Variants in DCDC1 observed in about 807,000 individuals in gnomAD.
The protein encoded by DCDC1 is doublecortin domain-containing protein 1.
A neutral mutation model predicts 178.3 loss-of-function variants in DCDC1; 200 were observed. The observed-to-expected ratio is 1.12, with a 90% CI of 1.00 to 1.26. The LOEUF (loss-of-function observed/expected upper bound fraction) is 1.26, where lower values mean the gene tolerates loss of function less well. Among genes scored for constraint, DCDC1 ranks in the 50% most tolerant of loss-of-function variants. The pLI is 0.00. For synonymous variants in DCDC1, 690 were observed against 604.8 expected (o/e 1.14, Z -2.07); for missense variants, 1,983 against 1,749.2 (o/e 1.13, Z -2.38).
At position 30,899,706 on chromosome 11, in the gene DCDC1, T is replaced by C. The variant is rs947739227; in HGVS notation, c.4664-64A>G. On this transcript the variant is annotated intron_variant, in intron 33 of 38. Coordinates refer to ENST00000684477, the MANE Select transcript of DCDC1 (RefSeq NM_001387274.1). ...ATTTATCACGCGCACCAATAATTTA[T>C]AAAGAACTTTCTGCTCAAAGAAATA... is the stretch of plus-strand genomic sequence containing the variant. 3.4e-6 allele frequency: 4 copies of C among 1,162,734 alleles called. No individual in the cohort carries two copies. The African/African-American group carries it at 4.7e-5, about 14-fold the overall frequency. The allele number at this position is 1,162,734 out of a possible 1,614,324, so 72.0% of individuals were successfully genotyped here. A position where few individuals can be genotyped will look rare whatever the true frequency, so the allele number is the denominator to read the frequency against.
intron 9 of DCDC1, among the ~76,000 whole-genome samples, chr11:31,139,759 G>GAA (rs747195018): frequency 1.4e-5 from 2 of 145,108 alleles, no homozygotes; most frequent in East Asian, 4.0e-4. Flanking sequence ...ACCACAGTTG[G>GAA]AAAAAAAAAA....
intron 9 of DCDC1, among the ~76,000 whole-genome samples, chr11:31,162,531 T>C (rs1420785477): frequency 1.3e-5 from 2 of 152,200 alleles, no homozygotes; most frequent in East Asian, 1.9e-4. Flanking sequence ...AATTGTATTA[T>C]GTTTTCAATC....
chr11:31,019,587 C>A (rs1952731933), intron 20 of DCDC1, among the ~76,000 whole-genome samples: 1 of 152,034 alleles, frequency 6.6e-6, no homozygotes, highest in Non-Finnish European at 1.5e-5. Context: ...AAATCCTTTT[C>A]TACATAATTT....
At chr11:31,209,205 A>G (rs964206815) in intron 9 of DCDC1, among the ~76,000 whole-genome samples, 4 of 152,198 alleles carry the variant, frequency 2.6e-5, no homozygotes, top group Non-Finnish European at 5.9e-5. Flanking sequence ...GTAGGTATAG[A>G]CACTACTGAA....
chr11:31,153,819 A>ACAC, intron 9 of DCDC1, among the ~76,000 whole-genome samples: 1 of 45,786 alleles, frequency 2.2e-5, no homozygotes, highest in East Asian at 1.5e-3. Context: ...CACACACACA[A>ACAC]TTACCATAAC....
Position 31,102,302 on chromosome 11 carries a change from T to C in DCDC1, c.1878-20A>G, listed in dbSNP as rs1361019793. ...TCCCAACTAAGAAAAGTAAAATACG[T>C]AATTATTTTTATTAGAATAATATGC... On this transcript the variant is annotated intron_variant, in intron 14 of 38. Transcript: ENST00000684477. The C allele has an allele frequency of 1.5e-6, 1 of 654,246 alleles. No individual in the cohort carries two copies. Among genetic ancestry groups the C allele is most frequent in the Non-Finnish European group, 2.8e-6 (1 of 353,204 alleles). 40.5% of individuals were successfully genotyped at this position (654,246 alleles called of 1,614,324 possible).
intron 27 of DCDC1, among the ~76,000 whole-genome samples, chr11:30,912,565 G>A (rs1490727668): frequency 2.0e-5 from 3 of 152,166 alleles, no homozygotes; most frequent in Non-Finnish European, 4.4e-5. Context: ...TTACAGGCAT[G>A]AGCCACCATG....
chr11:30,922,369 G>C (rs1186470110), intron 24 of DCDC1, 134 bp downstream of exon 24: 6 of 1,040,554 alleles, frequency 5.8e-6, no homozygotes, highest in Non-Finnish European at 7.7e-6. Flanking sequence ...ACATAATTTA[G>C]TTTAAAGAGT....
intron 8 of DCDC1, among the ~76,000 whole-genome samples, chr11:31,246,771 C>A (rs1485128598): frequency 6.6e-6 from 1 of 152,014 alleles, no homozygotes; most frequent in Non-Finnish European, 1.5e-5. Context: ...GTATTTTTAT[C>A]CAAACAAAAC....
At chr11:30,972,751 T>C (rs1191565017) in intron 20 of DCDC1, among the ~76,000 whole-genome samples, 2 of 152,188 alleles carry the variant, frequency 1.3e-5, no homozygotes, top group Non-Finnish European at 2.9e-5. Flanking sequence ...ATTTAAAAGA[T>C]ACAGACAAGC....
intron 1 of DCDC1, among the ~76,000 whole-genome samples, chr11:31,358,396 T>A (rs1951513788): frequency 1.3e-5 from 2 of 152,040 alleles, no homozygotes. Context: ...TGTAGAAAGC[T>A]GAAACTGGAC....
intron 21 of DCDC1, among the ~76,000 whole-genome samples, chr11:30,944,996 T>G (rs1476901590): frequency 1.7e-5 from 2 of 117,798 alleles, no homozygotes; most frequent in Admixed American, 1.1e-4. Context: ...TGAGACGGAG[T>G]CTCATTCTGT....
intron 9 of DCDC1, among the ~76,000 whole-genome samples, chr11:31,229,619 GA>G (rs1975498967): frequency 6.6e-6 from 1 of 151,892 alleles, no homozygotes; most frequent in Non-Finnish European, 1.5e-5. Context: ...CAGTCCCCAG[GA>G]AACAAAAAGG....
intron 8 of DCDC1, 25 bp downstream of exon 8, chr11:31,265,482 G>A: frequency 8.0e-7 from 1 of 1,249,770 alleles, no homozygotes; most frequent in Non-Finnish European, 1.1e-6. Flanking sequence ...ATTATCAAAT[G>A]GTTTACAAAA....
At chr11:30,997,442 G>A (rs1242295849) in intron 20 of DCDC1, among the ~76,000 whole-genome samples, 2 of 152,032 alleles carry the variant, frequency 1.3e-5, no homozygotes, top group South Asian at 2.1e-4. Flanking sequence ...CCTCACTGAA[G>A]GGGTAAGGAA....
intron 9 of DCDC1, 48 bp downstream of exon 9, chr11:31,241,402 T>C: frequency 2.5e-6 from 1 of 395,018 alleles, no homozygotes; most frequent in Non-Finnish European, 4.5e-6. Flanking sequence ...CAACCAAGTA[T>C]ATTTTTAAAA....
At chr11:30,986,892 C>T (rs2134869903) in intron 20 of DCDC1, among the ~76,000 whole-genome samples, 1 of 152,188 alleles carries the variant, frequency 6.6e-6, no homozygotes, top group South Asian at 2.1e-4. Context: ...CTAAACAATA[C>T]CATCAAAGAG....
intron 3 of DCDC1, among the ~76,000 whole-genome samples, chr11:31,315,681 T>G (rs1591740597): frequency 7.5e-6 from 1 of 132,614 alleles, no homozygotes; most frequent in Non-Finnish European, 1.6e-5. Context: ...AAACTCTAAG[T>G]TTTAGGGTAC....
intron 20 of DCDC1, among the ~76,000 whole-genome samples, chr11:30,969,621 A>G (rs1273540335): frequency 6.6e-6 from 1 of 152,246 alleles, no homozygotes; most frequent in African/African-American, 2.4e-5. Context: ...ATAAATTCCA[A>G]CAGTAATTGC....
Sources: gnomAD v4.1 joint callset for allele counts (sites outside exome capture counted in the v4.1 genomes callset) on GRCh38, gnomAD v4.1.1 for gene constraint, MANE v1.5 for transcripts, NCBI Gene and HGNC (gene_info 2026-07-23, HGNC 2026-07-21) for gene names.